VWF: variants seen among roughly 807,000 people sequenced by gnomAD.
VWF encodes the protein von Willebrand factor.
In VWF, 176 loss-of-function variants were observed where a neutral mutation model predicts 308.6. The observed-to-expected ratio is 0.57, with a 90% CI of 0.50 to 0.65. The LOEUF is 0.65. VWF is among the 30% of genes least tolerant of loss of function. VWF has a pLI of 0.00. For synonymous variants in VWF, 1,385 were observed against 1,443.4 expected, an observed-to-expected ratio of 0.96 and a Z score of 0.92; for missense variants, 3,146 against 3,648.2, an observed-to-expected ratio of 0.86 and a Z score of 3.55.
chr12:6,038,982 A>G lies in VWF; in HGVS notation c.2443-2491T>C, dbSNP rs552837584. 5.3e-5 allele frequency among the ~76,000 whole-genome samples: 8 copies of G among 152,332 alleles called. No homozygotes were observed. The South Asian group carries it at 1.7e-3, about 32-fold the overall frequency. On this transcript the variant is annotated intron_variant, in intron 18 of 51. Coordinates refer to ENST00000261405, the MANE Select transcript of VWF (RefSeq NM_000552.5). ...GAGGTGGAAATTCATGGAGGTAGAT[A>G]GGCCTGGAAATAAAGGGGTAATTTA...
At position 6,092,962 on chromosome 12, in the gene VWF, G is replaced by A. The variant is rs917596189; in HGVS notation, c.657+2498C>T. Among the ~76,000 whole-genome samples the A allele has an allele frequency of 2.0e-4, 31 of 151,606 alleles. 1 individual carries two copies. Among genetic ancestry groups the A allele is most frequent in the African/African-American group, 7.3e-4 (30 of 41,232 alleles). ...CACTGAGCCAACCCTTTTGGAATAA[G>A]TTTCTATTCCACCCCTTTCTCCCTT... On this transcript the variant is annotated intron_variant, in intron 6 of 51. Transcript: ENST00000261405.
At chr12:6,104,856 C>G (rs951369765) in intron 5 of VWF, among the ~76,000 whole-genome samples, 4 of 152,112 alleles carry the variant, frequency 2.6e-5, no homozygotes, top group African/African-American at 9.7e-5. Flanking sequence ...AACCTAAATG[C>G]CCATCAACAG....
At chr12:5,962,733 T>G (rs1364732627) in intron 47 of VWF, among the ~76,000 whole-genome samples, 3 of 152,040 alleles carry the variant, frequency 2.0e-5, no homozygotes, top group Non-Finnish European at 2.9e-5. Flanking sequence ...GTATTTTTAG[T>G]AGAGAAGGGG....
chr12:6,085,290 G>A lies in VWF; in HGVS notation c.658-9739C>T, dbSNP rs542236079. Among the ~76,000 whole-genome samples the A allele has an allele frequency of 3.9e-5, 6 of 152,318 alleles. No individual in the cohort carries two copies. In the South Asian group the frequency reaches 1.2e-3, roughly 32 times the overall value. ...AGCAAGAAAAAAGCATCAGCTCTGT[G>A]ACAGGAGCTAATTCCCCTAAGCTGC... On this transcript the variant is annotated intron_variant, in intron 6 of 51. Transcript: ENST00000261405.
At chr12:5,964,254 A>ACATACATACATACATG (rs1555189800) in intron 47 of VWF, among the ~76,000 whole-genome samples, 9 of 130,014 alleles carry the variant, frequency 6.9e-5, no homozygotes, top group East Asian at 3.5e-4. Flanking sequence ...ATACATGCAT[A>ACATACATACATACATG]CATACATACA....
rs112495242 is a variant in VWF, at chr12:5,992,021, G to A, written c.6599-3C>T. The A allele has an allele frequency of 6.2e-7, 1 of 1,614,010 alleles. No homozygotes were observed. Among genetic ancestry groups the A allele is most frequent in the Non-Finnish European group, 8.5e-7 (1 of 1,179,950 alleles). On this transcript the variant is annotated splice_polypyrimidine_tract_variant and splice_region_variant and intron_variant, in intron 37 of 51. Transcript: ENST00000261405. ...CAGAGATGGTGGGCATGACATAGCT[G>A]TAGACAGAGAAGGAGGTCACTTGCA... is the stretch of plus-strand genomic sequence containing the variant.
chr12:6,061,929 A>C (rs1944658969), intron 13 of VWF, among the ~76,000 whole-genome samples: 1 of 152,204 alleles, frequency 6.6e-6, no homozygotes, highest in African/African-American at 2.4e-5. Flanking sequence ...CCATTAAAGA[A>C]ATTTGCAGAA....
chr12:5,995,115 C>G (rs1943795169), intron 35 of VWF, among the ~76,000 whole-genome samples: 1 of 152,002 alleles, frequency 6.6e-6, no homozygotes, highest in African/African-American at 2.4e-5. Context: ...ATGTGTGGCC[C>G]AAGACAATTC....
At chr12:6,072,297 G>A (rs767039145) in intron 9 of VWF, 34 bp downstream of exon 9, 1 of 1,601,076 alleles carries the variant, frequency 6.2e-7, no homozygotes, top group East Asian at 2.2e-5. Context: ...CCCCCAGGCA[G>A]GTCTCCCAGA....
intron 16 of VWF, 89 bp downstream of exon 16, chr12:6,052,454 C>G (rs959769688): frequency 1.3e-6 from 2 of 1,593,976 alleles, no homozygotes; most frequent in Middle Eastern, 1.7e-4. Context: ...CCCCAGTTTA[C>G]CCATCCATGA....
At chr12:6,085,877 T>A (rs1944963899) in intron 6 of VWF, among the ~76,000 whole-genome samples, 1 of 152,074 alleles carries the variant, frequency 6.6e-6, no homozygotes, top group Non-Finnish European at 1.5e-5. Context: ...AGCACATGTA[T>A]CCCAGAACTT....
At chr12:6,012,566 T>G (rs1434047483) in intron 32 of VWF, among the ~76,000 whole-genome samples, 2 of 152,230 alleles carry the variant, frequency 1.3e-5, no homozygotes, top group Non-Finnish European at 2.9e-5. Flanking sequence ...GTTATTGCCC[T>G]TTAAGGGCAA....
intron 47 of VWF, among the ~76,000 whole-genome samples, chr12:5,958,204 G>T (rs1166106152): frequency 6.6e-6 from 1 of 152,128 alleles, no homozygotes; most frequent in Non-Finnish European, 1.5e-5. Context: ...ATGAATAACA[G>T]AAGAATAGCT....
chr12:6,065,386 G>T, intron 10 of VWF, 113 bp from the exon 11 acceptor site: 1 of 1,374,900 alleles, frequency 7.3e-7, no homozygotes, highest in Non-Finnish European at 1.0e-6. Flanking sequence ...CTGCATGGAC[G>T]TCCTTTGCCC....
At chr12:6,057,748 C>T in intron 14 of VWF, 101 bp downstream of exon 14, 1 of 1,404,012 alleles carries the variant, frequency 7.1e-7, no homozygotes, top group Non-Finnish European at 9.5e-7. Context: ...GCTCCCCGCC[C>T]CCGCCCTCCG....
chr12:6,050,531 C>A (rs1206954360), intron 16 of VWF, among the ~76,000 whole-genome samples: 1 of 152,224 alleles, frequency 6.6e-6, no homozygotes, highest in Admixed American at 6.5e-5. Context: ...CTTCTGAAGA[C>A]CCCTGAACCT....
chr12:6,114,779 G>A (rs943939973), intron 3 of VWF, among the ~76,000 whole-genome samples: 3 of 152,194 alleles, frequency 2.0e-5, no homozygotes, highest in Non-Finnish European at 2.9e-5. Context: ...GCCAGGGGAC[G>A]TGGGGCTGGC....
At chr12:6,001,983 G>A (rs1394669268) in intron 34 of VWF, among the ~76,000 whole-genome samples, 2 of 151,836 alleles carry the variant, frequency 1.3e-5, no homozygotes, top group African/African-American at 2.4e-5. Flanking sequence ...TATAAATCCT[G>A]GGTGAAAGGG....
At chr12:5,969,506 C>T in intron 44 of VWF, 115 bp from the exon 45 acceptor site, 1 of 1,263,690 alleles carries the variant, frequency 7.9e-7, no homozygotes, top group South Asian at 1.4e-5. Context: ...CCTGGCTTAA[C>T]ATGTAAGTCC....
Sources: allele counts gnomAD v4.1 joint callset (sites outside exome capture counted in the v4.1 genomes callset), GRCh38; gene constraint gnomAD v4.1.1; transcripts MANE v1.5; gene names NCBI Gene and HGNC (gene_info 2026-07-23, HGNC 2026-07-21).